The following FOXN3 variants were observed in gnomAD, a reference collection of about 807,000 sequenced individuals.
The protein encoded by FOXN3 is forkhead box protein N3.
FOXN3 carries 7 observed loss-of-function variants against 38.4 expected under a neutral mutation model. The ratio of observed to expected loss-of-function variants is 0.18; its 90% CI spans 0.10 to 0.34. The LOEUF (loss-of-function observed/expected upper bound fraction) is 0.34. FOXN3 is among the 10% of genes least tolerant of loss of function. The pLI, the probability that FOXN3 is intolerant of heterozygous loss-of-function variation, is 1.00. For synonymous variants in FOXN3, 230 were observed against 242.2 expected (o/e 0.95, Z 0.47); for missense variants, 456 against 613.4 (o/e 0.74, Z 2.71).
At chr14:89,462,641 G>C (rs1407438388) in intron 1 of FOXN3, among the ~76,000 whole-genome samples, 1 of 152,024 alleles carries the variant, frequency 6.6e-6, no homozygotes, top group Non-Finnish European at 1.5e-5. Context: ...CAATGGAGGG[G>C]GCTGGGTATG....
chr14:89,414,721 T>C (rs1356620363), intron 1 of FOXN3, among the ~76,000 whole-genome samples: 1 of 152,060 alleles, frequency 6.6e-6, no homozygotes. Context: ...GACTGGTTAA[T>C]TTTTGTATTT....
chr14:89,542,898 T>C (rs1894819373), intron 1 of FOXN3, among the ~76,000 whole-genome samples: 1 of 152,240 alleles, frequency 6.6e-6, no homozygotes, highest in Non-Finnish European at 1.5e-5. Flanking sequence ...ACGCTGGACT[T>C]AGGCATCATC....
rs67802765 is a variant in FOXN3, at chr14:89,363,947, A to AAT, written c.544-13141_544-13140dup. Among the ~76,000 whole-genome samples the AAT allele has an allele frequency of 3.0e-3, 330 of 111,238 alleles. 1 individual carries two copies. Among genetic ancestry groups the AAT allele is most frequent in the African/African-American group, 6.4e-3 (123 of 19,354 alleles). 73.0% of individuals were successfully genotyped at this position (111,238 alleles called of 152,430 possible). A position where few individuals can be genotyped will look rare whatever the true frequency, so the allele number is the denominator to read the frequency against. On this transcript the variant is annotated intron_variant, in intron 2 of 5. Coordinates refer to ENST00000557258, the MANE Select transcript of FOXN3 (RefSeq NM_005197.4). The stretch of plus-strand genomic sequence containing the variant: ...TAACTGAGCAAGACCCTGTCTGTAA[A>AAT]ATATATATATATATATATATATATA...
intron 2 of FOXN3, among the ~76,000 whole-genome samples, chr14:89,365,155 C>T (rs1357430373): frequency 6.6e-6 from 1 of 152,160 alleles, no homozygotes; most frequent in East Asian, 1.9e-4. Context: ...TTTGAGAGAG[C>T]CCTGCTTCTT....
At chr14:89,376,352 T>C (rs894817318) in intron 2 of FOXN3, among the ~76,000 whole-genome samples, 1 of 152,240 alleles carries the variant, frequency 6.6e-6, no homozygotes, top group East Asian at 1.9e-4. Flanking sequence ...AACCCATGAG[T>C]CCATAGTGAT....
At chr14:89,535,870 A>G (rs1030761386) in intron 1 of FOXN3, among the ~76,000 whole-genome samples, 14 of 152,354 alleles carry the variant, frequency 9.2e-5, no homozygotes, top group African/African-American at 3.4e-4. Context: ...TTTTCTGTTA[A>G]CAATGGGAGG....
intron 1 of FOXN3, among the ~76,000 whole-genome samples, chr14:89,472,863 G>A (rs1375484021): frequency 6.6e-6 from 1 of 151,916 alleles, no homozygotes; most frequent in Non-Finnish European, 1.5e-5. Context: ...ATAAAGCTGA[G>A]CTCTCAAACA....
chr14:89,408,058 G>A (rs1223529076), intron 2 of FOXN3, among the ~76,000 whole-genome samples: 1 of 152,120 alleles, frequency 6.6e-6, no homozygotes, highest in African/African-American at 2.4e-5. Flanking sequence ...CGAAAGCCAA[G>A]CTGTCTCTTT....
intron 2 of FOXN3, among the ~76,000 whole-genome samples, chr14:89,386,252 T>C (rs1890786324): frequency 6.6e-6 from 1 of 152,218 alleles, no homozygotes; most frequent in South Asian, 2.1e-4. Flanking sequence ...CACAGAGCAC[T>C]TGCTAAGTGC....
At chr14:89,603,834 C>A (rs914181117) in intron 1 of FOXN3, among the ~76,000 whole-genome samples, 3 of 151,998 alleles carry the variant, frequency 2.0e-5, no homozygotes, top group Non-Finnish European at 4.4e-5. Context: ...TAGCAAGACA[C>A]AGGGGAAAGC....
intron 1 of FOXN3, among the ~76,000 whole-genome samples, chr14:89,456,954 G>T (rs1253600155): frequency 6.6e-6 from 1 of 152,144 alleles, no homozygotes; most frequent in Non-Finnish European, 1.5e-5. Context: ...CTGGAATGAT[G>T]TATGGGAAAC....
chr14:89,416,104 G>A (rs919502148), intron 1 of FOXN3, among the ~76,000 whole-genome samples: 3 of 152,134 alleles, frequency 2.0e-5, no homozygotes, highest in Admixed American at 6.5e-5. Flanking sequence ...TGGGGGGCCG[G>A]GTCACCCCCG....
chr14:89,270,229 A>G (rs1357229991), intron 4 of FOXN3, among the ~76,000 whole-genome samples: 4 of 152,182 alleles, frequency 2.6e-5, no homozygotes, highest in Non-Finnish European at 5.9e-5. Flanking sequence ...TGCCTTATGC[A>G]TCAGGAGCTT....
intron 1 of FOXN3, among the ~76,000 whole-genome samples, chr14:89,492,754 A>G (rs1893608755): frequency 6.6e-6 from 1 of 152,210 alleles, no homozygotes; most frequent in Admixed American, 6.5e-5. Flanking sequence ...CATAGAAGAC[A>G]CAAATTTCAA....
intron 2 of FOXN3, among the ~76,000 whole-genome samples, chr14:89,369,893 C>T (rs1168197491): frequency 1.3e-5 from 2 of 152,138 alleles, no homozygotes; most frequent in Non-Finnish European, 2.9e-5. Flanking sequence ...GACAAGTTAA[C>T]GAATTTGTCT....
At chr14:89,438,914 C>A (rs907271745) in intron 1 of FOXN3, among the ~76,000 whole-genome samples, 3 of 152,098 alleles carry the variant, frequency 2.0e-5, no homozygotes, top group Admixed American at 6.6e-5. Context: ...GCATGCACCA[C>A]CACGCCCAGC....
At chr14:89,165,701 A>T (rs1887224026) in intron 5 of FOXN3, among the ~76,000 whole-genome samples, 1 of 152,264 alleles carries the variant, frequency 6.6e-6, no homozygotes, top group Non-Finnish European at 1.5e-5. Context: ...GTAATTAATC[A>T]TACAGCTAGC....
intron 1 of FOXN3, among the ~76,000 whole-genome samples, chr14:89,529,062 T>C (rs1327493093): frequency 6.6e-6 from 1 of 152,188 alleles, no homozygotes; most frequent in Non-Finnish European, 1.5e-5. Context: ...ACATGCTTCC[T>C]AAAGTTTTCC....
intron 3 of FOXN3, among the ~76,000 whole-genome samples, chr14:89,284,225 A>G (rs1453346754): frequency 6.6e-6 from 1 of 151,836 alleles, no homozygotes; most frequent in African/African-American, 2.4e-5. Context: ...TCTGTTGCTG[A>G]GGCTGGTCTC....
Sources: allele counts gnomAD v4.1 joint callset (sites outside exome capture counted in the v4.1 genomes callset), GRCh38; gene constraint gnomAD v4.1.1; transcripts MANE v1.5; gene names NCBI Gene and HGNC (gene_info 2026-07-23, HGNC 2026-07-21).